CEACAM5: variants seen among roughly 807,000 people sequenced by gnomAD.
CEACAM5 encodes cell adhesion molecule CEACAM5.
CEACAM5 carries 52 observed loss-of-function variants against 63.0 expected under a neutral mutation model. That is an observed-to-expected ratio of 0.83 (90% CI 0.66 to 1.04). CEACAM5 has a LOEUF of 1.04. Ranked by LOEUF, CEACAM5 falls within the 50% of genes least tolerant of loss-of-function variation. The pLI is 0.00. For synonymous variants in CEACAM5, 357 were observed against 351.3 expected (o/e 1.02, Z -0.18); for missense variants, 790 against 864.8 (o/e 0.91, Z 1.08).
intron 9 of CEACAM5, among the ~76,000 whole-genome samples, chr19:41,728,469 T>C (rs9653098): frequency 0.036 from 5,538 of 152,234 alleles, 323 homozygotes; most frequent in African/African-American, 0.12. Flanking sequence ...GCTAAACCCA[T>C]GACTTTCAGC....
Position 41,708,680 on chromosome 19 carries a change from C to G in CEACAM5, c.-52C>G. 1.3e-6 allele frequency: 2 copies of G among 1,548,310 alleles called. No homozygotes were observed. ...TCACAGCAGCCTTGACAAAACGTTCCTGGAACTCAAGCTCTTCTCCACAGA... is the reference window on the plus strand; with the variant it reads ...TCACAGCAGCCTTGACAAAACGTTCGTGGAACTCAAGCTCTTCTCCACAGA... On this transcript the variant is annotated 5_prime_UTR_variant, in exon 1 of 10. Transcript: ENST00000221992.
chr19:41,727,558 A>T (rs545240074), intron 9 of CEACAM5, among the ~76,000 whole-genome samples: 1 of 152,260 alleles, frequency 6.6e-6, no homozygotes, highest in African/African-American at 2.4e-5. Flanking sequence ...AGATATAATT[A>T]TCCCCACCCT....
chr19:41,728,786 C>CAAAAAAA lies in CEACAM5; in HGVS notation c.*37-385_*37-379dup, dbSNP rs55647539. ...TGGGCGACAGAGCAAGACTCCGTCT[C>CAAAAAAA]AAAAAAAAAAAAAAAAAAAGAATTG... On this transcript the variant is annotated intron_variant, in intron 9 of 9. Transcript: ENST00000221992. Among the ~76,000 whole-genome samples, 183 of 73,218 alleles carry CAAAAAAA rather than the reference C, an allele frequency of 2.5e-3. 4 individuals carry two copies. Among genetic ancestry groups the CAAAAAAA allele is most frequent in the East Asian group, 6.4e-3 (15 of 2,332 alleles). The allele number at this position is 73,218 out of a possible 152,430, so 48.0% of individuals were successfully genotyped here.
At chr19:41,716,919 T>C (rs570146732) in intron 4 of CEACAM5, among the ~76,000 whole-genome samples, 1 of 152,322 alleles carries the variant, frequency 6.6e-6, no homozygotes, top group East Asian at 1.9e-4. Flanking sequence ...AGCTGCCCCA[T>C]CTATGGCCCA....
At chr19:41,722,997 T>G (rs1024820885) in intron 8 of CEACAM5, among the ~76,000 whole-genome samples, 2 of 152,132 alleles carry the variant, frequency 1.3e-5, no homozygotes, top group Non-Finnish European at 2.9e-5. Context: ...AAGCTCCGCC[T>G]CCCGTGTTCA....
intron 8 of CEACAM5, among the ~76,000 whole-genome samples, chr19:41,726,549 G>A (rs572727927): frequency 6.6e-6 from 1 of 152,216 alleles, no homozygotes; most frequent in African/African-American, 2.4e-5. Context: ...AATTAGAGGT[G>A]CAAGATAATT....
Position 41,715,065 on chromosome 19 carries a change from C to A in CEACAM5, c.519C>A (p.Asp173Glu), listed in dbSNP as rs115472929. 1.2e-6 allele frequency: 2 copies of A among 1,614,060 alleles called. No individual in the cohort carries two copies. The highest frequency in any genetic ancestry group is 1.6e-4 in the Middle Eastern group (1 of 6,084). The change falls in exon 3 of 10, where the codon GAC becomes GAA. Residue 173 changes from aspartate (D) to glutamate (E), a missense_variant. By Grantham distance (45) the Asp-to-Glu change is conservative (BLOSUM62 2). Coordinates refer to ENST00000221992, the MANE Select transcript of CEACAM5 (RefSeq NM_004363.6). ...TCACCTGTGAACCTGAGACTCAGGACGCAACCTACCTGTGGTGGGTAAACA... is the reference window on the plus strand; with the variant it reads ...TCACCTGTGAACCTGAGACTCAGGAAGCAACCTACCTGTGGTGGGTAAACA... ...VAFTCEPETQ[D>E]ATYLWWVNNQ...
intron 8 of CEACAM5, among the ~76,000 whole-genome samples, chr19:41,723,006 C>T (rs2072647767): frequency 6.6e-6 from 1 of 152,138 alleles, no homozygotes; most frequent in Non-Finnish European, 1.5e-5. Context: ...CTCCCGTGTT[C>T]ACGCCATTCT....
In CEACAM5 at chr19:41,715,194, A is replaced by T. The variant is rs375538670; in HGVS notation, c.648A>T (p.Glu216Asp). 3.7e-5 allele frequency: 59 copies of T among 1,614,248 alleles called. No individual in the cohort carries two copies. In the African/African-American group the frequency reaches 6.3e-4, roughly 17 times the overall value. Residue 216 changes from glutamate (E) to aspartate (D), a missense_variant, in exon 3 of 10, where the codon GAA (glutamate) becomes GAT (aspartate). Glu to Asp is a conservative substitution (Grantham distance 45). Coordinates refer to ENST00000221992, the MANE Select transcript of CEACAM5 (RefSeq NM_004363.6). Reference protein sequence around the residue: ...TRNDTASYKCETQNPVSARRS... With the variant: ...TRNDTASYKCDTQNPVSARRS... ...ATGACACAGCAAGCTACAAATGTGA[A>T]ACCCAGAACCCAGTGAGTGCCAGGC...
chr19:41,722,300 T>C (rs1428836802), intron 8 of CEACAM5, among the ~76,000 whole-genome samples: 1 of 150,496 alleles, frequency 6.6e-6, no homozygotes, highest in Non-Finnish European at 1.5e-5. Context: ...GGCGGTGTAG[T>C]TTGCAGTGAG....
In CEACAM5 at chr19:41,718,481, C is replaced by T. The variant is rs2072564954; in HGVS notation, c.1492+99C>T. The T allele has an allele frequency of 7.8e-6, 10 of 1,276,564 alleles. No homozygotes were observed. In the South Asian group the frequency reaches 1.4e-4, roughly 17 times the overall value. The allele number at this position is 1,276,564 out of a possible 1,614,324, so 79.1% of individuals were successfully genotyped here. A position where few individuals can be genotyped will look rare whatever the true frequency, so the allele number is the denominator to read the frequency against. ...AGAAATTTTCTTTCCTAGTATGCAT[C>T]CAATGGGCACAAGCAATCCCAAATT... On this transcript the variant is annotated intron_variant, in intron 6 of 9. Coordinates refer to ENST00000221992, the MANE Select transcript of CEACAM5 (RefSeq NM_004363.6).
chr19:41,720,221 T>C lies in CEACAM5; in HGVS notation c.1771+13T>C. The C allele has an allele frequency of 1.2e-6, 2 of 1,610,040 alleles. No homozygotes were observed. Among genetic ancestry groups the C allele is most frequent in the Non-Finnish European group, 1.7e-6 (2 of 1,176,856 alleles). The stretch of plus-strand genomic sequence containing the variant: ...CTGGATGTCCTCTGTGAGTATCTTC[T>C]GTTCCTCTGTGGCCCTGGTTTCCAA... On this transcript the variant is annotated intron_variant, in intron 7 of 9. Coordinates refer to ENST00000221992, the MANE Select transcript of CEACAM5 (RefSeq NM_004363.6).
Position 41,727,238 on chromosome 19 carries a change from T to TCC in CEACAM5, c.2031_2032insCC (p.Gly678ProfsTer16). 1 of 1,613,120 alleles carries TCC rather than the reference T, an allele frequency of 6.2e-7. No homozygotes were observed. Among genetic ancestry groups the TCC allele is most frequent in the Admixed American group, 1.7e-5 (1 of 60,034 alleles). The stretch of plus-strand genomic sequence containing the variant: ...TTTCCATGACGGACGATTCAGCATC[T>TCC]GGAACTTCTCCTGGTCTCTCAGCTG... On this transcript the variant is annotated frameshift_variant, in exon 9 of 10. Transcript: ENST00000221992. LOFTEE classifies it high-confidence loss of function.
intron 6 of CEACAM5, among the ~76,000 whole-genome samples, chr19:41,719,476 G>A (rs190574403): frequency 1.3e-5 from 2 of 152,192 alleles, no homozygotes; most frequent in Admixed American, 6.5e-5. Flanking sequence ...AGCTATTTCT[G>A]CTTAAACACC....
chr19:41,727,927 G>A (rs1555817352), intron 9 of CEACAM5, among the ~76,000 whole-genome samples: 1 of 152,086 alleles, frequency 6.6e-6, no homozygotes, highest in African/African-American at 2.4e-5. Context: ...CACCCCACAT[G>A]TACACAGAAT....
At chr19:41,717,791 A>C in intron 5 of CEACAM5, 58 bp downstream of exon 5, 13 of 1,587,640 alleles carry the variant, frequency 8.2e-6, no homozygotes, top group Middle Eastern at 1.7e-4. Context: ...ACATAGCCAA[A>C]GTCCAGGCCT....
Position 41,715,690 on chromosome 19 carries a change from T to G in CEACAM5, c.744T>G (p.Ser248=). The stretch of plus-strand genomic sequence containing the variant: ...CCACCATTTCCCCTCTAAACACATC[T>G]TACAGATCAGGGGAAAATCTGAACC... ...DAPTISPLNT[S]YRSGENLNLS... The change falls in exon 4 of 10, where the codon TCT becomes TCG. Residue 248 remains serine (S), a synonymous_variant. Transcript: ENST00000221992. 1 of 1,614,172 alleles carries G rather than the reference T, an allele frequency of 6.2e-7. No individual in the cohort carries two copies. The highest frequency in any genetic ancestry group is 8.5e-7 in the Non-Finnish European group (1 of 1,180,028).
At chr19:41,722,448 C>A (rs1432753605) in intron 8 of CEACAM5, among the ~76,000 whole-genome samples, 5 of 151,414 alleles carry the variant, frequency 3.3e-5, no homozygotes, top group Non-Finnish European at 7.4e-5. Flanking sequence ...ATTTCCAGAA[C>A]TTTTTCATCT....
In CEACAM5 at chr19:41,721,150, C is replaced by A; in HGVS notation, c.2000C>A (p.Ser667Tyr). ...VSNLATGRNNSIVKSITVSAS... is the reference protein window; with the variant it reads ...VSNLATGRNNYIVKSITVSAS... ...AACTTGGCTACTGGCCGCAATAATT[C>A]CATAGTCAAGAGCATCACAGTCTCT... is the stretch of plus-strand genomic sequence containing the variant. The change falls in exon 8 of 10, where the codon TCC becomes TAC. Residue 667 changes from serine (S) to tyrosine (Y), a missense_variant. By Grantham distance (144) the Ser-to-Tyr change is moderately radical. Transcript: ENST00000221992. 1 of 1,614,200 alleles carries A rather than the reference C, an allele frequency of 6.2e-7. No homozygotes were observed.
Sources: gnomAD v4.1 joint callset for allele counts (sites outside exome capture counted in the v4.1 genomes callset) on GRCh38, gnomAD v4.1.1 for gene constraint, MANE v1.5 for transcripts, NCBI Gene and HGNC (gene_info 2026-07-23, HGNC 2026-07-21) for gene names.